The following TMEM47 variants were observed in gnomAD, a reference collection of about 807,000 sequenced individuals.
TMEM47 encodes transmembrane protein 47.
TMEM47 carries 3 observed loss-of-function variants against 12.4 expected under a neutral mutation model. That is an observed-to-expected ratio of 0.24 (90% confidence interval 0.11 to 0.63). TMEM47 has a LOEUF of 0.63. Among genes scored for constraint, TMEM47 ranks in the 20% least tolerant of loss-of-function variants. TMEM47 has a pLI of 0.86. For missense variants in TMEM47, 89 were observed against 143.8 expected, an observed-to-expected ratio of 0.62 and a Z score of 1.95; for synonymous variants, 62 against 63.3, an observed-to-expected ratio of 0.98 and a Z score of 0.10.
rs72627803 is a variant in TMEM47, at chrX:34,656,769, C to A, written c.226+35G>T. On this transcript the variant is annotated intron_variant, in intron 1 of 2. Transcript: ENST00000275954. The stretch of plus-strand genomic sequence containing the variant: ...CAGTGGGGCGCGGGGCAGTCCGGGG[C>A]GGGAGGCAGGGGTCGCGGCGCGCCA... 0.011 allele frequency: 12,810 copies of A among 1,145,354 alleles called. 479 individuals carry two copies. In the African/African-American group the frequency reaches 0.15, roughly 14 times the overall value. The allele number at this position is 1,145,354 out of a possible 1,213,427, so 94.4% of individuals were successfully genotyped here.
intron 1 of TMEM47, among the ~76,000 whole-genome samples, chrX:34,642,274 G>C (rs1008861900): frequency 8.9e-6 from 1 of 112,385 alleles, no homozygotes; most frequent in African/African-American, 3.2e-5. Context: ...TTTTTTCTAG[G>C]CAAAGATCTT....
chrX:34,646,923 T>C (rs1339571625), intron 1 of TMEM47, among the ~76,000 whole-genome samples: 2 of 111,695 alleles, frequency 1.8e-5, no homozygotes. Flanking sequence ...CACATTTATT[T>C]AATTATTAAT....
At chrX:34,641,365 T>C (rs2147139470) in intron 1 of TMEM47, among the ~76,000 whole-genome samples, 1 of 112,436 alleles carries the variant, frequency 8.9e-6, no homozygotes, top group East Asian at 2.8e-4. Context: ...ATGTTCTAGT[T>C]GGTCTATTAC....
At chrX:34,641,357 G>A (rs1601966500) in intron 1 of TMEM47, among the ~76,000 whole-genome samples, 1 of 111,858 alleles carries the variant, frequency 8.9e-6, no homozygotes, top group East Asian at 2.8e-4. Flanking sequence ...TGCTCCATAT[G>A]TTCTAGTTGG....
rs1379245771 is a variant in TMEM47, at chrX:34,630,448, G to T, written c.411C>A (p.Phe137Leu). 8.3e-7 allele frequency: 1 copy of T among 1,210,330 alleles called. No homozygotes were observed. The highest frequency in any genetic ancestry group is 2.2e-5 in the Admixed American group (1 of 45,986). The change falls in exon 3 of 3, where the codon TTC (phenylalanine) becomes TTA (leucine). Residue 137 changes from phenylalanine to leucine, a missense_variant. Coordinates refer to ENST00000275954, the MANE Select transcript of TMEM47 (RefSeq NM_031442.4). ...VCSLVLYPIK[F>L]IETVSLKIYH... ...AAATTTTCAAGCTCACAGTTTCAATGAACTTGATTGGGTAAAGGACCAGGC... is the reference window on the plus strand; with the variant it reads ...AAATTTTCAAGCTCACAGTTTCAATTAACTTGATTGGGTAAAGGACCAGGC...
intron 2 of TMEM47, among the ~76,000 whole-genome samples, chrX:34,636,256 A>G (rs1921714713): frequency 9.0e-6 from 1 of 111,538 alleles, no homozygotes; most frequent in South Asian, 3.7e-4. Flanking sequence ...GTAAGACACA[A>G]GCCTCCAATC....
chrX:34,637,217 T>C (rs1921732363), intron 2 of TMEM47, among the ~76,000 whole-genome samples: 1 of 110,173 alleles, frequency 9.1e-6, no homozygotes, highest in African/African-American at 3.3e-5. Context: ...AGAAAGAGAG[T>C]TGTGGAAAAA....
chrX:34,653,998 C>T (rs1922061361), intron 1 of TMEM47, among the ~76,000 whole-genome samples: 1 of 111,708 alleles, frequency 9.0e-6, no homozygotes, highest in Admixed American at 9.5e-5. Flanking sequence ...AAAAGCATTA[C>T]GGCTGACTGA....
At chrX:34,630,527 T>C (rs1306614081) in intron 2 of TMEM47, 36 bp from the exon 3 acceptor site, 1 of 1,117,965 alleles carries the variant, frequency 8.9e-7, no homozygotes, top group Non-Finnish European at 1.2e-6. Context: ...GAAAATGTTA[T>C]TTGCAGCAAA....
chrX:34,630,074 A>C lies in TMEM47; in HGVS notation c.*239T>G, dbSNP rs754696715. On this transcript the variant is annotated 3_prime_UTR_variant, in exon 3 of 3. Transcript: ENST00000275954. ...ATTTGTCAAGAAAAACGATATGAAC[A>C]TATTGGAAGTTTGCAGCATTTGCCT... 1 of 302,287 alleles carries C rather than the reference A, an allele frequency of 3.3e-6. No homozygotes were observed. Among genetic ancestry groups the C allele is most frequent in the East Asian group, 4.8e-5 (1 of 20,991 alleles). The allele number at this position is 302,287 out of a possible 1,213,427, so 24.9% of individuals were successfully genotyped here.
chrX:34,650,553 A>G (rs1365003242), intron 1 of TMEM47, among the ~76,000 whole-genome samples: 1 of 112,077 alleles, frequency 8.9e-6, no homozygotes, highest in Non-Finnish European at 1.9e-5. Flanking sequence ...AAAACAAAGG[A>G]AAAGGAAACA....
chrX:34,649,615 C>T (rs1282251987), intron 1 of TMEM47, among the ~76,000 whole-genome samples: 1 of 110,799 alleles, frequency 9.0e-6, no homozygotes, highest in African/African-American at 3.3e-5. Context: ...AGGCTTAATA[C>T]CTGTGTGATG....
intron 2 of TMEM47, among the ~76,000 whole-genome samples, chrX:34,631,425 A>C (rs191031715): frequency 9.0e-6 from 1 of 110,949 alleles, no homozygotes; most frequent in African/African-American, 3.3e-5. Context: ...TACTTTCATT[A>C]TTTTCTTCTC....
intron 1 of TMEM47, among the ~76,000 whole-genome samples, chrX:34,652,276 C>A (rs1922030709): frequency 1.8e-5 from 2 of 111,821 alleles, no homozygotes; most frequent in African/African-American, 6.5e-5. Context: ...GAGCTCCCTG[C>A]TGTGGTATTT....
At chrX:34,644,400 T>G (rs1446480800) in intron 1 of TMEM47, among the ~76,000 whole-genome samples, 2 of 112,618 alleles carry the variant, frequency 1.8e-5, no homozygotes, top group Admixed American at 9.4e-5. Flanking sequence ...AACTGTCCAA[T>G]TGGAGAATTA....
chrX:34,655,882 A>G (rs1185863310), intron 1 of TMEM47, among the ~76,000 whole-genome samples: 1 of 111,838 alleles, frequency 8.9e-6, no homozygotes, highest in Non-Finnish European at 1.9e-5. Flanking sequence ...AATCAAAATT[A>G]GAAAGGAAGG....
At chrX:34,630,532 A>G (rs778329651) in intron 2 of TMEM47, 41 bp from the exon 3 acceptor site, 1 of 1,116,987 alleles carries the variant, frequency 9.0e-7, no homozygotes, top group South Asian at 2.2e-5. Flanking sequence ...TGTTATTTGC[A>G]GCAAATAAAA....
chrX:34,638,520 C>T (rs1371626551), intron 2 of TMEM47, among the ~76,000 whole-genome samples: 1 of 112,038 alleles, frequency 8.9e-6, no homozygotes, highest in African/African-American at 3.2e-5. Flanking sequence ...GCTTACTTTG[C>T]AGTCTTCAAA....
rs190826069 is a variant in TMEM47 at position 34,653,851 on chromosome X, G to C, written c.226+2953C>G. Among the ~76,000 whole-genome samples the C allele has an allele frequency of 5.0e-3, 551 of 111,052 alleles. 2 individuals are homozygous for C. Among genetic ancestry groups the C allele is most frequent in the Middle Eastern group, 0.014 (3 of 214 alleles). ...CTGCGTATTCTAAACTTCCTAACAA[G>C]CACACTTTATTTTTTTTTTCTCTTT... On this transcript the variant is annotated intron_variant, in intron 1 of 2. Coordinates refer to ENST00000275954, the MANE Select transcript of TMEM47 (RefSeq NM_031442.4).
Sources: gnomAD v4.1 joint callset for allele counts (sites outside exome capture counted in the v4.1 genomes callset) on GRCh38, gnomAD v4.1.1 for gene constraint, MANE v1.5 for transcripts, NCBI Gene and HGNC (gene_info 2026-07-23, HGNC 2026-07-21) for gene names.